ZDHHC20: variants seen among roughly 807,000 people sequenced by gnomAD.
ZDHHC20 encodes zDHHC palmitoyltransferase 20.
ZDHHC20 carries 43 observed loss-of-function variants against 57.8 expected under a neutral mutation model. The ratio of observed to expected loss-of-function variants is 0.74; its 90% CI spans 0.58 to 0.96. The LOEUF (loss-of-function observed/expected upper bound fraction) is 0.96. ZDHHC20 is among the 40% of genes least tolerant of loss of function. ZDHHC20 has a pLI of 0.00. For missense variants in ZDHHC20, 391 were observed against 441.1 expected (o/e 0.89, Z 1.02); for synonymous variants, 157 against 153.0 (o/e 1.03, Z -0.19).
intron 1 of ZDHHC20, among the ~76,000 whole-genome samples, chr13:21,430,382 T>TA (rs2137951490): frequency 6.6e-6 from 1 of 151,988 alleles, no homozygotes; most frequent in African/African-American, 2.4e-5. Context: ...GGGAACTTGT[T>TA]ACTGTTTGGG....
Position 21,421,086 on chromosome 13 carries a change from G to A in ZDHHC20, c.224C>T (p.Thr75Ile), listed in dbSNP as rs1429491233. Residue 75 changes from threonine (T) to isoleucine (I), a missense_variant, in exon 3 of 13, where the codon ACA becomes ATA. Thr to Ile is a moderately conservative substitution (Grantham distance 89). Coordinates refer to ENST00000400590, the MANE Select transcript of ZDHHC20 (RefSeq NM_001330059.2). ...FVWSYWMTIF[T>I]SPASPSKEFY... ...CTCTTTGGAGGGGGAAGCGGGAGAT[G>A]TGAAAATTGTCATCCAATAGGACCA... 2.5e-6 allele frequency: 4 copies of A among 1,612,814 alleles called. No homozygotes were observed. The highest frequency in any genetic ancestry group is 3.4e-6 in the Non-Finnish European group (4 of 1,179,588).
chr13:21,420,929 A>G, intron 3 of ZDHHC20, 132 bp downstream of exon 3: 2 of 677,348 alleles, frequency 3.0e-6, no homozygotes, highest in East Asian at 2.8e-5. Flanking sequence ...TTCACAGTAC[A>G]GAGCAACCAA....
At position 21,375,033 on chromosome 13, in the gene ZDHHC20, C is replaced by G; in HGVS notation, c.*1663G>C. On this transcript the variant is annotated 3_prime_UTR_variant, in exon 13 of 13. Transcript: ENST00000400590. ...CCTGTAATCCCAGCTACTTGGGAGG[C>G]TGAGGCAGGAGACTCTATTGAACCT... is the stretch of plus-strand genomic sequence containing the variant. 1 of 425,986 alleles carries G rather than the reference C, an allele frequency of 2.3e-6. No homozygotes were observed. The highest frequency in any genetic ancestry group is 1.7e-5 in the South Asian group (1 of 59,482). The allele number at this position is 425,986 out of a possible 1,614,324, so 26.4% of individuals were successfully genotyped here.
chr13:21,453,981 G>A (rs1401374415), intron 1 of ZDHHC20, among the ~76,000 whole-genome samples: 5 of 152,072 alleles, frequency 3.3e-5, no homozygotes, highest in African/African-American at 1.2e-4. Flanking sequence ...TGAGTAGGCT[G>A]GACTTCAGAC....
chr13:21,436,392 C>A (rs1882545144), intron 1 of ZDHHC20, among the ~76,000 whole-genome samples: 1 of 152,214 alleles, frequency 6.6e-6, no homozygotes, highest in Admixed American at 6.5e-5. Context: ...GGCAACCCTG[C>A]ATTAAGCAAG....
At position 21,373,470 on chromosome 13, in the gene ZDHHC20, T is replaced by A. The variant is rs572183829; in HGVS notation, c.*3226A>T. Reference sequence around the variant, plus strand: ...ATAACCACTAATATGTAAAAAGTTTTAAAAAAATCATCCTTACGTATAGAT... The same window carrying A: ...ATAACCACTAATATGTAAAAAGTTTAAAAAAAATCATCCTTACGTATAGAT... On this transcript the variant is annotated 3_prime_UTR_variant, in exon 13 of 13. Transcript: ENST00000400590. The A allele has an allele frequency of 2.0e-5, 3 of 152,208 alleles. No homozygotes were observed. Among genetic ancestry groups the A allele is most frequent in the Non-Finnish European group, 2.9e-5 (2 of 68,036 alleles). 9.4% of individuals were successfully genotyped at this position (152,208 alleles called of 1,614,324 possible).
intron 7 of ZDHHC20, among the ~76,000 whole-genome samples, chr13:21,395,496 CTT>C (rs201405874): frequency 3.4e-4 from 41 of 120,468 alleles, no homozygotes; most frequent in South Asian, 5.5e-4. Flanking sequence ...CTTTTCTTTT[CTT>C]TTTTTTTTTT....
At chr13:21,395,570 T>C (rs1319874388) in intron 7 of ZDHHC20, among the ~76,000 whole-genome samples, 1 of 148,820 alleles carries the variant, frequency 6.7e-6, no homozygotes, top group Admixed American at 6.7e-5. Flanking sequence ...TCCGTGATCT[T>C]GGCTCACTGG....
chr13:21,427,054 A>C (rs557615511), intron 1 of ZDHHC20, among the ~76,000 whole-genome samples: 8 of 152,146 alleles, frequency 5.3e-5, no homozygotes, highest in African/African-American at 1.9e-4. Context: ...ACTCCTCTGT[A>C]AAGTCTTCCT....
chr13:21,380,230 C>T lies in ZDHHC20; in HGVS notation c.1060+1204G>A, dbSNP rs1198236635. Among the ~76,000 whole-genome samples the T allele has an allele frequency of 5.3e-5, 8 of 151,878 alleles. No homozygotes were observed. In the East Asian group the frequency reaches 1.6e-3, roughly 30 times the overall value. Reference sequence around the variant, plus strand: ...TCCCGGGTTCAAGCGATTCTCCTGCCTCAGCCTCCCGAGTAGCTGGGATTA... The same window carrying T: ...TCCCGGGTTCAAGCGATTCTCCTGCTTCAGCCTCCCGAGTAGCTGGGATTA... On this transcript the variant is annotated intron_variant, in intron 11 of 12. Transcript: ENST00000400590.
At chr13:21,450,461 T>C (rs1259896094) in intron 1 of ZDHHC20, among the ~76,000 whole-genome samples, 1 of 152,166 alleles carries the variant, frequency 6.6e-6, no homozygotes, top group Non-Finnish European at 1.5e-5. Flanking sequence ...GATCTTTTTT[T>C]TCATTTGATT....
intron 4 of ZDHHC20, among the ~76,000 whole-genome samples, chr13:21,408,666 G>C (rs533951384): frequency 6.6e-6 from 1 of 152,306 alleles, no homozygotes; most frequent in South Asian, 2.1e-4. Context: ...GGAGTGGTGA[G>C]AGAGGACATT....
At chr13:21,421,814 ACTAT>A (rs1341757891) in intron 2 of ZDHHC20, among the ~76,000 whole-genome samples, 23 of 152,324 alleles carry the variant, frequency 1.5e-4, no homozygotes, top group Admixed American at 7.8e-4. Flanking sequence ...AGAAGCAAGA[ACTAT>A]CTATCAGATG....
rs1225497231 is a variant in ZDHHC20 at position 21,376,614 on chromosome 13, A to G, written c.*82T>C. On this transcript the variant is annotated 3_prime_UTR_variant, in exon 13 of 13. Coordinates refer to ENST00000400590, the MANE Select transcript of ZDHHC20 (RefSeq NM_001330059.2). Reference sequence around the variant, plus strand: ...TTCATTCCACTGATCATTTTCTTGCAAATGAAAATTGAAAATACCAGTCTA... The same window carrying G: ...TTCATTCCACTGATCATTTTCTTGCGAATGAAAATTGAAAATACCAGTCTA... The G allele has an allele frequency of 1.4e-6, 2 of 1,381,250 alleles. No homozygotes were observed. The highest frequency in any genetic ancestry group is 1.9e-6 in the Non-Finnish European group (2 of 1,027,974). The allele number at this position is 1,381,250 out of a possible 1,614,324, so 85.6% of individuals were successfully genotyped here. A position where few individuals can be genotyped will look rare whatever the true frequency, so the allele number is the denominator to read the frequency against.
At chr13:21,378,383 G>C (rs1872626551) in intron 12 of ZDHHC20, among the ~76,000 whole-genome samples, 1 of 151,922 alleles carries the variant, frequency 6.6e-6, no homozygotes, top group African/African-American at 2.4e-5. Flanking sequence ...TAATTAATAA[G>C]GTACTGCCTT....
At chr13:21,457,637 G>A (rs1338615531) in intron 1 of ZDHHC20, among the ~76,000 whole-genome samples, 3 of 152,118 alleles carry the variant, frequency 2.0e-5, no homozygotes, top group Admixed American at 6.5e-5. Context: ...AAAATTAAAC[G>A]TTCTATAGGT....
chr13:21,456,171 C>G (rs949570114), intron 1 of ZDHHC20, among the ~76,000 whole-genome samples: 1 of 152,090 alleles, frequency 6.6e-6, no homozygotes, highest in African/African-American at 2.4e-5. Flanking sequence ...TTTGGGAGGC[C>G]AAGGTGGGTG....
At chr13:21,431,935 C>T (rs372404016) in intron 1 of ZDHHC20, among the ~76,000 whole-genome samples, 2 of 152,244 alleles carry the variant, frequency 1.3e-5, no homozygotes, top group East Asian at 3.9e-4. Flanking sequence ...TTGAAGAGCA[C>T]AAACTCTTAA....
At position 21,387,604 on chromosome 13, in the gene ZDHHC20, C is replaced by T; in HGVS notation, c.758G>A (p.Gly253Glu). 6.7e-7 allele frequency: 1 copy of T among 1,498,104 alleles called. No individual in the cohort carries two copies. Among genetic ancestry groups the T allele is most frequent in the Admixed American group, 2.2e-5 (1 of 45,648 alleles). 92.8% of individuals were successfully genotyped at this position (1,498,104 alleles called of 1,614,324 possible). A position where few individuals can be genotyped will look rare whatever the true frequency, so the allele number is the denominator to read the frequency against. Reference protein sequence around the residue: ...ESFRAPTFSYGPDGNGFSLGC... With the variant: ...ESFRAPTFSYEPDGNGFSLGC... ...AAGAGAGAAACCATTTCCATCAGGT[C>T]CGTATGAAAACGTGGGTGCGCGGAA... Residue 253 changes from glycine (G) to glutamate (E), a missense_variant, in exon 9 of 13, where the codon GGA (glycine) becomes GAA (glutamate). Physicochemically the swap from Gly to Glu is moderately conservative, Grantham distance 98. Coordinates refer to ENST00000400590, the MANE Select transcript of ZDHHC20 (RefSeq NM_001330059.2).
Sources: gnomAD v4.1 joint callset for allele counts (sites outside exome capture counted in the v4.1 genomes callset) on GRCh38, gnomAD v4.1.1 for gene constraint, MANE v1.5 for transcripts, NCBI Gene and HGNC (gene_info 2026-07-23, HGNC 2026-07-21) for gene names.